Variants in SGCD observed in about 807,000 individuals in gnomAD.
SGCD encodes sarcoglycan delta.
A neutral mutation model predicts 36.6 loss-of-function variants in SGCD; 18 were observed. The observed-to-expected ratio is 0.49, with a 90% CI of 0.34 to 0.73. SGCD has a LOEUF of 0.73. Among genes scored for constraint, SGCD ranks in the 30% least tolerant of loss-of-function variants. The probability of loss-of-function intolerance (pLI) is 0.01; values close to 1 mark genes in which losing one functional copy is unlikely to be tolerated. For missense variants in SGCD, 387 were observed against 346.7 expected (o/e 1.12, Z -0.92); for synonymous variants, 133 against 130.6 (o/e 1.02, Z -0.12).
chr5:156,741,569 A>T (rs1020094019), intron 7 of SGCD, among the ~76,000 whole-genome samples: 7 of 149,650 alleles, frequency 4.7e-5, no homozygotes, highest in Non-Finnish European at 7.3e-5. Context: ...AACCTGGGAG[A>T]GATGACCAAT....
At chr5:156,522,178 C>T (rs1230070496) in intron 4 of SGCD, among the ~76,000 whole-genome samples, 2 of 152,022 alleles carry the variant, frequency 1.3e-5, no homozygotes, top group African/African-American at 4.8e-5. Context: ...GAACATCACA[C>T]ACCAGGGCCT....
intron 3 of SGCD, among the ~76,000 whole-genome samples, chr5:156,434,156 AC>A (rs1753145103): frequency 6.6e-6 from 1 of 152,222 alleles, no homozygotes; most frequent in Admixed American, 6.5e-5. Flanking sequence ...GCTGGCTAAT[AC>A]CAGAAGAAGG....
chr5:156,573,859 A>C (rs1450193186), intron 4 of SGCD, among the ~76,000 whole-genome samples: 1 of 151,886 alleles, frequency 6.6e-6, no homozygotes, highest in African/African-American at 2.4e-5. Flanking sequence ...ATGCCCAGCT[A>C]ATTTTTTCTT....
intron 3 of SGCD, among the ~76,000 whole-genome samples, chr5:156,185,719 C>T (rs1036516687): frequency 1.4e-4 from 21 of 151,064 alleles, no homozygotes; most frequent in Non-Finnish European, 2.2e-4. Context: ...ACACTTTTCA[C>T]AAAAACCCTC....
At chr5:155,875,272 G>A (rs1363736399) in intron 1 of SGCD, among the ~76,000 whole-genome samples, 1 of 152,004 alleles carries the variant, frequency 6.6e-6, no homozygotes, top group East Asian at 1.9e-4. Flanking sequence ...TAAACTCTTA[G>A]GTCTGATGGA....
chr5:156,259,810 A>T (rs1055314523), intron 3 of SGCD, among the ~76,000 whole-genome samples: 1 of 152,042 alleles, frequency 6.6e-6, no homozygotes, highest in African/African-American at 2.4e-5. Flanking sequence ...AAGAAGAGGA[A>T]AAAAGACCTG....
chr5:156,118,821 G>C (rs1052198782), intron 2 of SGCD, among the ~76,000 whole-genome samples: 3 of 152,106 alleles, frequency 2.0e-5, no homozygotes, highest in African/African-American at 7.2e-5. Flanking sequence ...CAGCAGTACA[G>C]ATTTTATTTT....
chr5:155,857,111 C>T, the SGCD span, among the ~76,000 whole-genome samples: 1 of 152,124 alleles, frequency 6.6e-6, no homozygotes, highest in Admixed American at 6.5e-5. Flanking sequence ...ATGGGGCATG[C>T]CTGTAATCCC....
At chr5:156,484,471 C>A (rs1407655297) in intron 3 of SGCD, among the ~76,000 whole-genome samples, 1 of 152,194 alleles carries the variant, frequency 6.6e-6, no homozygotes, top group East Asian at 1.9e-4. Context: ...AGTGCTAAAG[C>A]TGCTACTGCA....
chr5:156,533,818 A>G (rs949610037), intron 4 of SGCD, among the ~76,000 whole-genome samples: 3 of 152,196 alleles, frequency 2.0e-5, no homozygotes, highest in African/African-American at 7.2e-5. Flanking sequence ...AATTCTTCTT[A>G]TAAATAATAA....
intron 1 of SGCD, among the ~76,000 whole-genome samples, chr5:156,010,525 A>C (rs1758837186): frequency 6.6e-6 from 1 of 152,224 alleles, no homozygotes; most frequent in Non-Finnish European, 1.5e-5. Flanking sequence ...GATAGTTGAC[A>C]TCTAATGAAT....
chr5:156,574,520 G>A (rs1198517282), intron 4 of SGCD, among the ~76,000 whole-genome samples: 2 of 152,118 alleles, frequency 1.3e-5, no homozygotes, highest in Non-Finnish European at 2.9e-5. Flanking sequence ...AGCACAGCTA[G>A]GATGTTAATT....
chr5:155,900,206 A>T (rs1756357010), intron 1 of SGCD, among the ~76,000 whole-genome samples: 2 of 152,174 alleles, frequency 1.3e-5, no homozygotes, highest in Non-Finnish European at 2.9e-5. Flanking sequence ...AACTACTGCA[A>T]ATACTCCAGT....
the SGCD span, among the ~76,000 whole-genome samples, chr5:155,742,313 T>C: frequency 1.3e-5 from 2 of 152,220 alleles, no homozygotes; most frequent in Non-Finnish European, 2.9e-5. Context: ...TGCACTTTTT[T>C]CCACACAATG....
intron 1 of SGCD, among the ~76,000 whole-genome samples, chr5:156,075,824 A>T (rs1419542775): frequency 6.6e-6 from 1 of 152,200 alleles, no homozygotes; most frequent in African/African-American, 2.4e-5. Context: ...TACATTGAAG[A>T]GTCCATTGGA....
chr5:156,525,553 T>A (rs530446293), intron 4 of SGCD, among the ~76,000 whole-genome samples: 22 of 152,078 alleles, frequency 1.4e-4, no homozygotes, highest in African/African-American at 1.4e-4. Context: ...TTTTTTTTTT[T>A]ATTGTATGGA....
chr5:156,734,674 A>G (rs1165979068), intron 7 of SGCD, among the ~76,000 whole-genome samples: 1 of 151,758 alleles, frequency 6.6e-6, no homozygotes, highest in African/African-American at 2.4e-5. Flanking sequence ...TTGTTATTGC[A>G]TTATAAAATT....
At chr5:156,494,725 C>T (rs1756104407) in intron 3 of SGCD, among the ~76,000 whole-genome samples, 1 of 152,132 alleles carries the variant, frequency 6.6e-6, no homozygotes, top group Non-Finnish European at 1.5e-5. Flanking sequence ...ATTGATCCTT[C>T]TTCCTTCCCA....
At chr5:155,731,062 A>G in the SGCD span, among the ~76,000 whole-genome samples, 1 of 152,296 alleles carries the variant, frequency 6.6e-6, no homozygotes, top group South Asian at 2.1e-4. Context: ...CATTACAGAA[A>G]GACAGTCAGA....
Sources: gnomAD v4.1 joint callset for allele counts (sites outside exome capture counted in the v4.1 genomes callset) on GRCh38, gnomAD v4.1.1 for gene constraint, MANE v1.5 for transcripts, NCBI Gene and HGNC (gene_info 2026-07-23, HGNC 2026-07-21) for gene names.